The following AGAP1 variants were observed in gnomAD, a reference collection of about 807,000 sequenced individuals.
AGAP1 encodes the protein arf-GAP with GTPase, ANK repeat and PH domain-containing protein 1.
AGAP1 carries 29 observed loss-of-function variants against 105.3 expected under a neutral mutation model. The observed-to-expected ratio is 0.28, with a 90% CI of 0.21 to 0.38. The LOEUF (loss-of-function observed/expected upper bound fraction) is 0.38, where lower values mean the gene tolerates loss of function less well. AGAP1 is among the 10% of genes least tolerant of loss of function. The pLI, the probability that AGAP1 is intolerant of heterozygous loss-of-function variation, is 1.00. For synonymous variants in AGAP1, 509 were observed against 485.9 expected (o/e 1.05, Z -0.63); for missense variants, 998 against 1,165.1 (o/e 0.86, Z 2.09).
At chr2:235,667,482 G>C (rs1419941584) in intron 1 of AGAP1, among the ~76,000 whole-genome samples, 1 of 152,102 alleles carries the variant, frequency 6.6e-6, no homozygotes, top group African/African-American at 2.4e-5. Flanking sequence ...CAGGCAGTGT[G>C]ACCCCCAAAC....
At chr2:235,907,216 G>A (rs1257351642) in intron 10 of AGAP1, among the ~76,000 whole-genome samples, 3 of 152,148 alleles carry the variant, frequency 2.0e-5, no homozygotes, top group African/African-American at 7.2e-5. Flanking sequence ...CTCTGCATCG[G>A]GTAACTGCCA....
chr2:236,049,047 C>T lies in AGAP1; in HGVS notation c.1892-12C>T. On this transcript the variant is annotated splice_polypyrimidine_tract_variant and intron_variant, in intron 15 of 17. Coordinates refer to ENST00000304032, the MANE Select transcript of AGAP1 (RefSeq NM_001037131.3). ...TCTGATTGCGTTTAGCGTTCTGTTC[C>T]TCTTCCCGTAGATCCCAACTGGGCC... The T allele has an allele frequency of 6.2e-7, 1 of 1,611,194 alleles. No homozygotes were observed. The highest frequency in any genetic ancestry group is 8.5e-7 in the Non-Finnish European group (1 of 1,177,866).
chr2:236,028,736 T>C (rs905747370), intron 13 of AGAP1, among the ~76,000 whole-genome samples: 10 of 152,168 alleles, frequency 6.6e-5, no homozygotes, highest in Non-Finnish European at 1.5e-4. Flanking sequence ...GTAGCAGGGA[T>C]GGAAAAAAGC....
chr2:235,715,297 C>T lies in AGAP1; in HGVS notation c.223-2260C>T, dbSNP rs116985939. Reference sequence around the variant, plus strand: ...AGGGACTATGACAAGTGTACAGATTCGGAGCTGGTGTCTTGGCCCGTATCC... The same window carrying T: ...AGGGACTATGACAAGTGTACAGATTTGGAGCTGGTGTCTTGGCCCGTATCC... On this transcript the variant is annotated intron_variant, in intron 2 of 17. Transcript: ENST00000304032. 8.5e-4 allele frequency among the ~76,000 whole-genome samples: 130 copies of T among 152,266 alleles called. 3 individuals are homozygous for T. The East Asian group carries it at 0.02, about 23-fold the overall frequency.
rs368688283 is a variant in AGAP1, at chr2:235,494,675, G to A, written c.-12G>A. On this transcript the variant is annotated 5_prime_UTR_variant, in exon 1 of 18. Coordinates refer to ENST00000304032, the MANE Select transcript of AGAP1 (RefSeq NM_001037131.3). ...GCGGGGGGCGCGCGGCTCCGGGCGC[G>A]GCGCCTGCACCATGAACTACCAGCA... 1.5e-5 allele frequency: 20 copies of A among 1,301,876 alleles called. No individual in the cohort carries two copies. The African/African-American group carries it at 2.3e-4, about 15-fold the overall frequency. The allele number at this position is 1,301,876 out of a possible 1,614,324, so 80.6% of individuals were successfully genotyped here. A position where few individuals can be genotyped will look rare whatever the true frequency, so the allele number is the denominator to read the frequency against.
At chr2:235,895,738 GATGGATGGATGA>G (rs202196718) in intron 10 of AGAP1, among the ~76,000 whole-genome samples, 45,483 of 144,196 alleles carry the variant, frequency 0.32, 7,946 homozygotes, top group South Asian at 0.56. Flanking sequence ...TGGATGGATG[GATGGATGGATGA>G]ATGGAGGCAC....
Position 235,690,591 on chromosome 2 carries a change from G to A in AGAP1, c.164-18588G>A, listed in dbSNP as rs2149439394. Among the ~76,000 whole-genome samples, 1 of 152,314 alleles carries A rather than the reference G, an allele frequency of 6.6e-6. No individual in the cohort carries two copies. ...CAGAGTCCGAGGTAGAATGGATATT[G>A]CTAAAGCTGAGAGCTACAGCAGAGC... On this transcript the variant is annotated intron_variant, in intron 1 of 17. Transcript: ENST00000304032. This position sits in a 1 kb window ranked among gnomAD's most constrained non-coding sequence, Gnocchi z 4.1.
chr2:235,617,009 C>G (rs1946328895), intron 1 of AGAP1, among the ~76,000 whole-genome samples: 1 of 151,480 alleles, frequency 6.6e-6, no homozygotes. Context: ...AAAGTCACAT[C>G]AGCTCTCTAG....
chr2:236,083,789 A>G lies in AGAP1; in HGVS notation c.2114+34508A>G, dbSNP rs533104423. Among the ~76,000 whole-genome samples the G allele has an allele frequency of 5.3e-5, 8 of 152,308 alleles. No individual in the cohort carries two copies. The highest frequency in any genetic ancestry group is 2.1e-4 in the South Asian group (1 of 4,822). ...ATGAACAGGTGTTTTAGGAGCCACA[A>G]TAAACCATCGCAGAGCAAGGAGTGC... On this transcript the variant is annotated intron_variant, in intron 16 of 17. Transcript: ENST00000304032. The surrounding 1 kb of genome is among the most constrained non-coding windows in gnomAD (Gnocchi z 5.3).
chr2:235,802,966 T>C (rs1386773579), intron 8 of AGAP1, among the ~76,000 whole-genome samples: 1 of 103,358 alleles, frequency 9.7e-6, no homozygotes, highest in African/African-American at 3.8e-5. Context: ...ATGGTTGTGA[T>C]GATGGTTGTG....
intron 1 of AGAP1, among the ~76,000 whole-genome samples, chr2:235,702,078 T>C (rs1950284393): frequency 6.6e-6 from 1 of 152,216 alleles, no homozygotes; most frequent in Non-Finnish European, 1.5e-5. Flanking sequence ...TTTTTAGCCT[T>C]GTGTATAATT....
chr2:235,556,555 G>C lies in AGAP1; in HGVS notation c.163+61706G>C, dbSNP rs192466091. On this transcript the variant is annotated intron_variant, in intron 1 of 17. Transcript: ENST00000304032. This position sits in a 1 kb window ranked among gnomAD's most constrained non-coding sequence, Gnocchi z 5.3. The stretch of plus-strand genomic sequence containing the variant: ...TTTTCTGCTCTGACCAGGCACCTTG[G>C]GGGAGGGAAGGCATCAGGAGCCTTC... Among the ~76,000 whole-genome samples the C allele has an allele frequency of 2.0e-5, 3 of 152,208 alleles. No homozygotes were observed. The highest frequency in any genetic ancestry group is 4.8e-5 in the African/African-American group (2 of 41,456).
chr2:235,509,979 C>T (rs1193329805), intron 1 of AGAP1, among the ~76,000 whole-genome samples: 1 of 152,058 alleles, frequency 6.6e-6, no homozygotes, highest in Non-Finnish European at 1.5e-5. Flanking sequence ...CTGCTGTGAA[C>T]AGCACATATG....
chr2:235,571,725 A>T (rs931282526), intron 1 of AGAP1, among the ~76,000 whole-genome samples: 13 of 151,978 alleles, frequency 8.6e-5, no homozygotes, highest in Non-Finnish European at 1.9e-4. Context: ...ACGCTGTAGT[A>T]TATAGTCAGT....
intron 9 of AGAP1, among the ~76,000 whole-genome samples, chr2:235,849,839 G>T (rs1017822519): frequency 6.6e-6 from 1 of 152,262 alleles, no homozygotes; most frequent in South Asian, 2.1e-4. Flanking sequence ...TGGTCTGGGC[G>T]CCCAGTGCTC....
intron 16 of AGAP1, among the ~76,000 whole-genome samples, chr2:236,100,994 C>T (rs1480178606): frequency 6.6e-6 from 1 of 152,122 alleles, no homozygotes; most frequent in Non-Finnish European, 1.5e-5. Flanking sequence ...AGGGCAACCC[C>T]ACTGCAAAGA....
chr2:235,651,138 GCCAGCCAGTGCGCT>G (rs1479154833), intron 1 of AGAP1, among the ~76,000 whole-genome samples: 5 of 138,664 alleles, frequency 3.6e-5, no homozygotes, highest in East Asian at 4.8e-4. Flanking sequence ...TCAAGATCGT[GCCAGCCAGTGCGCT>G]CCAGCCAGAG....
rs1036347326 is a variant in AGAP1, at chr2:235,622,609, G to A, written c.164-86570G>A. Among the ~76,000 whole-genome samples, 32 of 152,234 alleles carry A rather than the reference G, an allele frequency of 2.1e-4. 1 individual carries two copies. The highest frequency in any genetic ancestry group is 5.9e-4 in the Admixed American group (9 of 15,284). ...AGTCAACTTTGACGCTTCAGCCAAC[G>A]TCGGTTTTGAGAATGCGACCTATGA... On this transcript the variant is annotated intron_variant, in intron 1 of 17. Transcript: ENST00000304032. This position sits in a 1 kb window ranked among gnomAD's most constrained non-coding sequence, Gnocchi z 5.0.
rs2056106968 is a variant in AGAP1 at position 236,001,216 on chromosome 2, G to T, written c.1645+32593G>T. Among the ~76,000 whole-genome samples, 1 of 152,212 alleles carries T rather than the reference G, an allele frequency of 6.6e-6. No homozygotes were observed. Among genetic ancestry groups the T allele is most frequent in the Non-Finnish European group, 1.5e-5 (1 of 68,046 alleles). ...TAAACGCCACCATCAGAAACCAAGA[G>T]AAAGGAAAGGGACAGGTCCTCCGGG... On this transcript the variant is annotated intron_variant, in intron 13 of 17. Transcript: ENST00000304032. This position sits in a 1 kb window ranked among gnomAD's most constrained non-coding sequence, Gnocchi z 4.7.
Sources: allele counts gnomAD v4.1 joint callset (sites outside exome capture counted in the v4.1 genomes callset), GRCh38; gene constraint gnomAD v4.1.1; non-coding constraint Gnocchi (gnomAD v3.1); transcripts MANE v1.5; gene names NCBI Gene and HGNC (gene_info 2026-07-23, HGNC 2026-07-21).